The following DSE variants were observed in gnomAD, a reference collection of about 807,000 sequenced individuals.
DSE encodes the protein dermatan-sulfate epimerase.
Under a neutral mutation model 84.4 loss-of-function variants are expected in DSE, and 36 were observed. The observed-to-expected ratio is 0.43, with a 90% CI of 0.33 to 0.56. The LOEUF (loss-of-function observed/expected upper bound fraction) is 0.56, where lower values mean the gene tolerates loss of function less well. Ranked by LOEUF, DSE falls within the 20% of genes least tolerant of loss-of-function variation. DSE has a pLI of 0.06. For synonymous variants in DSE, 410 were observed against 430.1 expected, an observed-to-expected ratio of 0.95 and a Z score of 0.58; for missense variants, 862 against 1,169.6, an observed-to-expected ratio of 0.74 and a Z score of 3.84.
At chr6:116,310,788 C>T (rs1277043380) in intron 2 of DSE, among the ~76,000 whole-genome samples, 1 of 152,222 alleles carries the variant, frequency 6.6e-6, no homozygotes, top group Non-Finnish European at 1.5e-5. Flanking sequence ...CTCCTCTCTG[C>T]ATACAGACAG....
chr6:116,258,758 C>T lies in DSE; in HGVS notation c.-263C>T, dbSNP rs762306199. 3.1e-6 allele frequency: 5 copies of T among 1,610,004 alleles called. No individual in the cohort carries two copies. The South Asian group carries it at 5.5e-5, about 18-fold the overall frequency. Reference sequence around the variant, plus strand: ...ATGCGTGTGGAGTCCTCCCGGGGACCACTGTTGATGATGGCGTTCACCAGG... The same window carrying T: ...ATGCGTGTGGAGTCCTCCCGGGGACTACTGTTGATGATGGCGTTCACCAGG... On this transcript the variant is annotated 5_prime_UTR_variant, in exon 2 of 4. Coordinates refer to the DSE transcript ENST00000430252.
chr6:116,399,720 A>G (rs1209896303), intron 2 of DSE, 54 bp downstream of exon 2: 2 of 1,535,382 alleles, frequency 1.3e-6, no homozygotes, highest in African/African-American at 2.7e-5. Flanking sequence ...AGAAAGAAAC[A>G]AATCCATATG....
At chr6:116,297,571 G>C (rs1482726138) in intron 2 of DSE, among the ~76,000 whole-genome samples, 1 of 151,666 alleles carries the variant, frequency 6.6e-6, no homozygotes, top group African/African-American at 2.4e-5. Flanking sequence ...ACCTATAATA[G>C]TTAGTGGTTT....
intron 2 of DSE, among the ~76,000 whole-genome samples, chr6:116,316,508 T>C (rs1468596101): frequency 6.6e-6 from 1 of 152,066 alleles, no homozygotes; most frequent in African/African-American, 2.4e-5. Flanking sequence ...AAACCTACCC[T>C]GGGACTGGAC....
At chr6:116,286,042 A>T (rs571320638) in intron 2 of DSE, among the ~76,000 whole-genome samples, 10 of 152,210 alleles carry the variant, frequency 6.6e-5, no homozygotes, top group South Asian at 4.1e-4. Flanking sequence ...GAGGAGTTTT[A>T]TCCAATTCTG....
intron 2 of DSE, among the ~76,000 whole-genome samples, chr6:116,413,603 A>G (rs1434224078): frequency 6.6e-6 from 1 of 152,220 alleles, no homozygotes; most frequent in Non-Finnish European, 1.5e-5. Context: ...TTCCTACTGC[A>G]CCCAGAGTAA....
intron 2 of DSE, among the ~76,000 whole-genome samples, chr6:116,275,572 G>C (rs1773096200): frequency 6.6e-6 from 1 of 152,162 alleles, no homozygotes; most frequent in Non-Finnish European, 1.5e-5. Flanking sequence ...AGGCTGAGGT[G>C]GGCTGATCAC....
In DSE at chr6:116,440,081, C is replaced by T. The variant is rs1008441110; in HGVS notation, c.*2736C>T. ...ATTCTTTTGACAACATTGTTTTAAT[C>T]GTCAAAGTCAGGTGGAAGACCGTGT... On this transcript the variant is annotated 3_prime_UTR_variant, in exon 6 of 6. Coordinates refer to ENST00000644252, the MANE Select transcript of DSE (RefSeq NM_013352.4). 28 of 151,736 alleles carry T rather than the reference C, an allele frequency of 1.8e-4. No individual in the cohort carries two copies. The highest frequency in any genetic ancestry group is 1.5e-3 in the Admixed American group (23 of 15,218). 9.4% of individuals were successfully genotyped at this position (151,736 alleles called of 1,614,324 possible).
intron 2 of DSE, among the ~76,000 whole-genome samples, chr6:116,264,487 T>C (rs143254364): frequency 3.2e-4 from 48 of 152,326 alleles, no homozygotes; most frequent in South Asian, 1.0e-3. Flanking sequence ...TGCATTGTTT[T>C]ATCATTATTT....
At chr6:116,309,545 A>AGTT (rs1775546167) in intron 2 of DSE, among the ~76,000 whole-genome samples, 2 of 152,240 alleles carry the variant, frequency 1.3e-5, no homozygotes, top group Admixed American at 6.5e-5. Flanking sequence ...ACCCAAATAT[A>AGTT]AAAATAACAC....
intron 1 of DSE, among the ~76,000 whole-genome samples, chr6:116,396,399 A>G (rs1483261332): frequency 6.6e-6 from 1 of 152,230 alleles, no homozygotes; most frequent in Non-Finnish European, 1.5e-5. Flanking sequence ...GGAAGGTAGT[A>G]CACCATTTGT....
intron 2 of DSE, among the ~76,000 whole-genome samples, chr6:116,299,551 TACACATACAC>T (rs1774901775): frequency 7.5e-5 from 4 of 53,662 alleles, no homozygotes; most frequent in South Asian, 8.8e-4. Flanking sequence ...TATATATATA[TACACATACAC>T]ACACACACAC....
chr6:116,316,850 T>TTAG (rs1776013213), intron 2 of DSE, among the ~76,000 whole-genome samples: 1 of 151,038 alleles, frequency 6.6e-6, no homozygotes. Context: ...ATTATTATTA[T>TTAG]TACTGCTACT....
chr6:116,341,947 T>G (rs1378631262), intron 2 of DSE, among the ~76,000 whole-genome samples: 2 of 152,360 alleles, frequency 1.3e-5, no homozygotes, highest in East Asian at 3.9e-4. Flanking sequence ...CTTTGTTCTT[T>G]TTGCTTAGGA....
intron 2 of DSE, among the ~76,000 whole-genome samples, chr6:116,319,402 T>C (rs1776170639): frequency 6.6e-6 from 1 of 152,236 alleles, no homozygotes; most frequent in African/African-American, 2.4e-5. Flanking sequence ...AGCCAAGCTA[T>C]TCAAGTTTAC....
upstream of DSE, among the ~76,000 whole-genome samples, chr6:116,368,767 TCTC>T (rs1331694192): frequency 6.6e-6 from 1 of 152,136 alleles, no homozygotes; most frequent in East Asian, 1.9e-4. Context: ...GCAAAGTAAA[TCTC>T]CTCCTGAGAG....
At chr6:116,396,984 C>G (rs1395155140) in intron 1 of DSE, among the ~76,000 whole-genome samples, 1 of 152,090 alleles carries the variant, frequency 6.6e-6, no homozygotes, top group African/African-American at 2.4e-5. Context: ...TGGAGCCACT[C>G]CCCTATCCAC....
At chr6:116,390,630 T>A (rs1780843087) in intron 1 of DSE, among the ~76,000 whole-genome samples, 1 of 152,170 alleles carries the variant, frequency 6.6e-6, no homozygotes, top group Admixed American at 6.5e-5. Context: ...TCTAAAACCA[T>A]CATTAAGAAA....
intron 2 of DSE, among the ~76,000 whole-genome samples, chr6:116,287,199 G>A (rs1298559682): frequency 2.6e-5 from 4 of 151,966 alleles, no homozygotes; most frequent in Admixed American, 2.6e-4. Flanking sequence ...AGGAAATATT[G>A]CATCATCAAA....
Sources: gnomAD v4.1 joint callset for allele counts (sites outside exome capture counted in the v4.1 genomes callset) on GRCh38, gnomAD v4.1.1 for gene constraint, MANE v1.5 for transcripts, NCBI Gene and HGNC (gene_info 2026-07-23, HGNC 2026-07-21) for gene names.